ATP8B4: variants seen among roughly 807,000 people sequenced by gnomAD.
The protein encoded by ATP8B4 is probable phospholipid-transporting ATPase IM.
Under a neutral mutation model 145.6 loss-of-function variants are expected in ATP8B4, and 133 were observed. The observed-to-expected ratio is 0.91, with a 90% CI of 0.79 to 1.05. The LOEUF is 1.05. Ranked by LOEUF, ATP8B4 falls within the 50% of genes least tolerant of loss-of-function variation. ATP8B4 has a pLI of 0.00. For missense variants in ATP8B4, 1,458 were observed against 1,425.2 expected (o/e 1.02, Z -0.37); for synonymous variants, 507 against 492.9 (o/e 1.03, Z -0.38).
At chr15:49,967,072 CA>C (rs1567099642) in intron 13 of ATP8B4, among the ~76,000 whole-genome samples, 10 of 152,172 alleles carry the variant, frequency 6.6e-5, no homozygotes, top group Non-Finnish European at 1.5e-5. Flanking sequence ...TGAATAGCAT[CA>C]ACATCAACAA....
chr15:50,003,553 T>C (rs12907589), intron 7 of ATP8B4, among the ~76,000 whole-genome samples: 1 of 151,694 alleles, frequency 6.6e-6, no homozygotes, highest in Non-Finnish European at 1.5e-5. Flanking sequence ...GAAAAAAAAA[T>C]TTTTTTTGAA....
chr15:50,123,732 C>G (rs750697753), upstream of ATP8B4, among the ~76,000 whole-genome samples: 1 of 152,120 alleles, frequency 6.6e-6, no homozygotes, highest in South Asian at 2.1e-4. Flanking sequence ...AATAAATTGG[C>G]TCTGTCCAGG....
At chr15:49,969,986 T>C (rs1340462008) in intron 13 of ATP8B4, among the ~76,000 whole-genome samples, 1 of 152,148 alleles carries the variant, frequency 6.6e-6, no homozygotes, top group East Asian at 1.9e-4. Flanking sequence ...CCAATAAATA[T>C]AATCCATCAC....
chr15:49,975,894 T>A (rs1052026316), intron 12 of ATP8B4, among the ~76,000 whole-genome samples: 3 of 152,174 alleles, frequency 2.0e-5, no homozygotes, highest in African/African-American at 7.2e-5. Flanking sequence ...TCCAGAACAG[T>A]AGAAAATAGT....
intron 18 of ATP8B4, 127 bp from the exon 19 acceptor site, chr15:49,919,077 G>A (rs1167747458): frequency 1.5e-6 from 1 of 679,842 alleles, no homozygotes; most frequent in Admixed American, 3.0e-5. Context: ...ATGATACATT[G>A]ATATAGCAGG....
intron 21 of ATP8B4, among the ~76,000 whole-genome samples, chr15:49,900,298 C>A (rs897401004): frequency 6.6e-6 from 1 of 152,162 alleles, no homozygotes; most frequent in Non-Finnish European, 1.5e-5. Context: ...GGAGAAAACA[C>A]AATATCCTCA....
chr15:49,909,506 C>T (rs1245706382), intron 20 of ATP8B4, among the ~76,000 whole-genome samples: 1 of 152,036 alleles, frequency 6.6e-6, no homozygotes, highest in Non-Finnish European at 1.5e-5. Flanking sequence ...CTCCTGGTGG[C>T]CCAAGAATCA....
At chr15:49,899,635 C>T (rs1261968169) in intron 21 of ATP8B4, among the ~76,000 whole-genome samples, 3 of 151,188 alleles carry the variant, frequency 2.0e-5, no homozygotes, top group Admixed American at 1.3e-4. Context: ...TGGTCTCTTT[C>T]TCTCTCTCTC....
intron 1 of ATP8B4, among the ~76,000 whole-genome samples, chr15:50,160,622 T>C (rs1389605780): frequency 6.6e-6 from 1 of 152,066 alleles, no homozygotes; most frequent in Non-Finnish European, 1.5e-5. Flanking sequence ...TTCTTATTTT[T>C]TCATTGAGTC....
At chr15:50,129,496 C>T (rs532115859) in intron 1 of ATP8B4, among the ~76,000 whole-genome samples, 3 of 152,288 alleles carry the variant, frequency 2.0e-5, no homozygotes, top group South Asian at 2.1e-4. Context: ...GCCCTTTGTG[C>T]GTCTTCTCTG....
chr15:50,060,337 C>T (rs2052919928), intron 3 of ATP8B4, among the ~76,000 whole-genome samples: 1 of 151,988 alleles, frequency 6.6e-6, no homozygotes, highest in African/African-American at 2.4e-5. Context: ...ACATTTTTCC[C>T]AAAAAATCTA....
chr15:49,995,482 C>A (rs2047350117), intron 9 of ATP8B4, among the ~76,000 whole-genome samples: 1 of 152,120 alleles, frequency 6.6e-6, no homozygotes, highest in East Asian at 1.9e-4. Context: ...TGGCTACTCT[C>A]TGACTTCAAT....
chr15:50,081,108 G>T (rs1288116475), intron 2 of ATP8B4, among the ~76,000 whole-genome samples: 1 of 112,256 alleles, frequency 8.9e-6, no homozygotes, highest in African/African-American at 3.8e-5. Context: ...GCGAGACTAC[G>T]TCTCAAGAAA....
chr15:50,096,282 G>A (rs1466801006), intron 2 of ATP8B4, among the ~76,000 whole-genome samples: 1 of 152,196 alleles, frequency 6.6e-6, no homozygotes, highest in Non-Finnish European at 1.5e-5. Flanking sequence ...TCCACAGAGA[G>A]GTGAGGGAAG....
intron 3 of ATP8B4, among the ~76,000 whole-genome samples, chr15:50,055,486 G>A (rs143604977): frequency 2.6e-5 from 4 of 152,240 alleles, no homozygotes; most frequent in East Asian, 1.9e-4. Context: ...CACTGCCTAC[G>A]TCTATGAATC....
intron 12 of ATP8B4, among the ~76,000 whole-genome samples, chr15:49,973,390 A>G (rs1261283053): frequency 6.6e-6 from 1 of 152,186 alleles, no homozygotes; most frequent in Non-Finnish European, 1.5e-5. Context: ...GGTAGGGGAA[A>G]CTAATGATTA....
intron 1 of ATP8B4, among the ~76,000 whole-genome samples, chr15:50,150,176 T>C (rs1432336333): frequency 6.6e-6 from 1 of 151,886 alleles, no homozygotes; most frequent in African/African-American, 2.4e-5. Flanking sequence ...GTAACAAGAG[T>C]GACAGCAGGT....
intron 6 of ATP8B4, among the ~76,000 whole-genome samples, chr15:50,022,953 A>G (rs529178019): frequency 6.6e-6 from 1 of 152,332 alleles, no homozygotes; most frequent in African/African-American, 2.4e-5. Flanking sequence ...TACTCCCTGG[A>G]TATATCTATA....
chr15:49,918,896 C>G lies in ATP8B4; in HGVS notation c.1978G>C (p.Val660Leu), dbSNP rs1210200072. ...ATATTGGCTAGTGATAAACTTGTAACTGTTTCAATAACACCCTCCTGTAAC... is the reference window on the plus strand; with the variant it reads ...ATATTGGCTAGTGATAAACTTGTAAGTGTTTCAATAACACCCTCCTGTAAC... ...DKLQEGVIETVTSLSLANIKI... is the reference protein window; with the variant it reads ...DKLQEGVIETLTSLSLANIKI... The change falls in exon 19 of 28, where the codon GTT becomes CTT. Residue 660 changes from valine (V) to leucine (L), a missense_variant. Physicochemically the swap from Val to Leu is conservative, Grantham distance 32 (BLOSUM62 1). Coordinates refer to ENST00000284509, the MANE Select transcript of ATP8B4 (RefSeq NM_024837.4). The G allele has an allele frequency of 1.2e-6, 2 of 1,613,818 alleles. No homozygotes were observed. The highest frequency in any genetic ancestry group is 2.2e-5 in the East Asian group (1 of 44,818).
Sources: gnomAD v4.1 joint callset for allele counts (sites outside exome capture counted in the v4.1 genomes callset) on GRCh38, gnomAD v4.1.1 for gene constraint, MANE v1.5 for transcripts, NCBI Gene and HGNC (gene_info 2026-07-23, HGNC 2026-07-21) for gene names.